The following POP5 variants were observed in gnomAD, a reference collection of about 807,000 sequenced individuals.
POP5 encodes the protein POP5 ribonuclease P/MRP subunit.
POP5 carries 18 observed loss-of-function variants against 20.7 expected under a neutral mutation model. The observed-to-expected ratio is 0.87, with a 90% CI of 0.60 to 1.29. POP5 has a LOEUF of 1.29. Ranked by LOEUF, POP5 falls within the 50% of genes most tolerant of loss-of-function variation. The pLI is 0.00. For synonymous variants in POP5, 91 were observed against 78.0 expected, an observed-to-expected ratio of 1.17 and a Z score of -0.88; for missense variants, 200 against 203.2, an observed-to-expected ratio of 0.98 and a Z score of 0.10.
intron 2 of POP5, 78 bp downstream of exon 2, chr12:120,581,037 T>C (rs1877836032): frequency 6.4e-7 from 1 of 1,566,440 alleles, no homozygotes; most frequent in Admixed American, 1.8e-5. Flanking sequence ...TCGTGCCCCT[T>C]CTTTCTTCCT....
rs879031588 is a variant in POP5 at position 120,579,871 on chromosome 12, T to A, written c.216A>T (p.Glu72Asp). The A allele has an allele frequency of 1.2e-6, 2 of 1,611,014 alleles. 1 individual carries two copies. The highest frequency in any genetic ancestry group is 2.7e-5 in the African/African-American group (2 of 74,884). ...GAGCTGACCACACAAGCTGATAGAA[T>A]TCTTTTCTGCATCGAAGTAGCACTA... The part of the protein sequence containing the change: ...TGIVLLRCRK[E>D]FYQLVWSALP... The change falls in exon 3 of 5, where the codon GAA (glutamate) becomes GAT (aspartate). Residue 72 changes from glutamate to aspartate, a missense_variant. By Grantham distance (45) the Glu-to-Asp change is conservative (BLOSUM62 2). Coordinates refer to ENST00000357500, the MANE Select transcript of POP5 (RefSeq NM_015918.4).
Position 120,578,784 on chromosome 12 carries a change from T to C in POP5, c.*534A>G, listed in dbSNP as rs1312888084. 6.5e-6 allele frequency: 1 copy of C among 155,006 alleles called. No individual in the cohort carries two copies. The highest frequency in any genetic ancestry group is 1.4e-5 in the Non-Finnish European group (1 of 69,890). 9.6% of individuals were successfully genotyped at this position (155,006 alleles called of 1,614,324 possible). A position where few individuals can be genotyped will look rare whatever the true frequency, so the allele number is the denominator to read the frequency against. ...AAATACAAAAATTAGCCAGACGTGG[T>C]GGTGCACGTCTGTAATCCCAGTTAC... On this transcript the variant is annotated 3_prime_UTR_variant, in exon 5 of 5. Coordinates refer to ENST00000357500, the MANE Select transcript of POP5 (RefSeq NM_015918.4).
intron 2 of POP5, 118 bp downstream of exon 2, chr12:120,580,992 ATACCT>A: frequency 7.0e-6 from 10 of 1,433,660 alleles, no homozygotes; most frequent in Non-Finnish European, 9.3e-6. Context: ...GCTTAAAGAG[ATACCT>A]TACAAAAAAC....
Position 120,581,385 on chromosome 12 carries a change from C to A in POP5, c.-23G>T. The A allele has an allele frequency of 6.2e-7, 1 of 1,607,548 alleles. No homozygotes were observed. The highest frequency in any genetic ancestry group is 1.7e-4 in the Middle Eastern group (1 of 6,044). ...CATGGCTGCCTCCGCGCTCTCCGGT[C>A]CGGCGTGCAAACCGGATGTGAATTC... is the stretch of plus-strand genomic sequence containing the variant. On this transcript the variant is annotated 5_prime_UTR_variant, in exon 1 of 5. Transcript: ENST00000357500.
In POP5 at chr12:120,579,728, A is replaced by G. The variant is rs753998245; in HGVS notation, c.313+46T>C. 3 of 1,568,070 alleles carry G rather than the reference A, an allele frequency of 1.9e-6. No homozygotes were observed. In the East Asian group the frequency reaches 6.7e-5, roughly 35 times the overall value. ...CCCACCAGTTTAGACTGAACTGTGA[A>G]CGTGTCACCAATTGAAAATCAGTAG... is the stretch of plus-strand genomic sequence containing the variant. On this transcript the variant is annotated intron_variant, in intron 3 of 4. Coordinates refer to ENST00000357500, the MANE Select transcript of POP5 (RefSeq NM_015918.4).
In POP5 at chr12:120,579,135, G is replaced by T; in HGVS notation, c.*183C>A. ...TTCACAACCTGCAACACTTCACCAG[G>T]GAATGCTAGGTAAAGGCAACTTCAG... On this transcript the variant is annotated 3_prime_UTR_variant, in exon 5 of 5. Transcript: ENST00000357500. The T allele has an allele frequency of 1.6e-6, 1 of 616,896 alleles. No homozygotes were observed. 38.2% of individuals were successfully genotyped at this position (616,896 alleles called of 1,614,324 possible).
chr12:120,581,171 G>C lies in POP5; in HGVS notation c.107C>G (p.Thr36Arg). 11 of 1,613,824 alleles carry C rather than the reference G, an allele frequency of 6.8e-6. No homozygotes were observed. The highest frequency in any genetic ancestry group is 9.3e-6 in the Non-Finnish European group (11 of 1,180,050). Residue 36 changes from threonine (T) to arginine (R), a missense_variant, in exon 2 of 5, where the codon ACG (threonine) becomes AGG (arginine). Physicochemically the swap from Thr to Arg is moderately conservative, Grantham distance 71 (BLOSUM62 -1). Coordinates refer to ENST00000357500, the MANE Select transcript of POP5 (RefSeq NM_015918.4). ...GAAAGTTCCGTGCACCCTGGCGATCGTGTCCCGTACGAGGCTGCTCAGAAC... is the reference window on the plus strand; with the variant it reads ...GAAAGTTCCGTGCACCCTGGCGATCCTGTCCCGTACGAGGCTGCTCAGAAC... Reference protein sequence around the residue: ...DRVLSSLVRDTIARVHGTFGA... With the variant: ...DRVLSSLVRDRIARVHGTFGA...
rs749030608 is a variant in POP5, at chr12:120,581,398, C to T, written c.-36G>A. ...GCGCTCTCCGGTCCGGCGTGCAAAC[C>T]GGATGTGAATTCTGTCCGCTGCCAA... On this transcript the variant is annotated 5_prime_UTR_variant, in exon 1 of 5. Coordinates refer to ENST00000357500, the MANE Select transcript of POP5 (RefSeq NM_015918.4). The T allele has an allele frequency of 1.4e-5, 23 of 1,601,864 alleles. No individual in the cohort carries two copies. The highest frequency in any genetic ancestry group is 3.5e-5 in the Admixed American group (2 of 57,124).
rs908949096 is a variant in POP5 at position 120,581,399 on chromosome 12, G to A, written c.-37C>T. 6.2e-7 allele frequency: 1 copy of A among 1,601,296 alleles called. No homozygotes were observed. The highest frequency in any genetic ancestry group is 8.5e-7 in the Non-Finnish European group (1 of 1,174,452). On this transcript the variant is annotated 5_prime_UTR_variant, in exon 1 of 5. Transcript: ENST00000357500. ...CGCTCTCCGGTCCGGCGTGCAAACC[G>A]GATGTGAATTCTGTCCGCTGCCAAT...
At chr12:120,579,454 G>A (rs1366800465) in intron 4 of POP5, 42 bp from the exon 5 acceptor site, 1 of 1,607,158 alleles carries the variant, frequency 6.2e-7, no homozygotes, top group Non-Finnish European at 8.5e-7. Flanking sequence ...ATCTTTGGGA[G>A]TGATTTCTTC....
rs758679728 is a variant in POP5 at position 120,581,380 on chromosome 12, C to G, written c.-18G>C. ...CGCACCATGGCTGCCTCCGCGCTCT[C>G]CGGTCCGGCGTGCAAACCGGATGTG... On this transcript the variant is annotated 5_prime_UTR_variant, in exon 1 of 5. Coordinates refer to ENST00000357500, the MANE Select transcript of POP5 (RefSeq NM_015918.4). The G allele has an allele frequency of 6.8e-6, 11 of 1,609,248 alleles. No homozygotes were observed. The highest frequency in any genetic ancestry group is 1.7e-4 in the Middle Eastern group (1 of 6,050).
Position 120,579,874 on chromosome 12 carries a change from T to C in POP5, c.213A>G (p.Lys71=). The C allele has an allele frequency of 6.2e-7, 1 of 1,611,784 alleles. No homozygotes were observed. Among genetic ancestry groups the C allele is most frequent in the Non-Finnish European group, 8.5e-7 (1 of 1,177,798 alleles). Residue 71 remains lysine, a synonymous_variant, in exon 3 of 5, where the codon AAA becomes AAG. Coordinates refer to ENST00000357500, the MANE Select transcript of POP5 (RefSeq NM_015918.4). ...CTGACCACACAAGCTGATAGAATTCTTTTCTGCATCGAAGTAGCACTATTC... is the reference window on the plus strand; with the variant it reads ...CTGACCACACAAGCTGATAGAATTCCTTTCTGCATCGAAGTAGCACTATTC... ...YTGIVLLRCR[K]EFYQLVWSAL...
Position 120,581,358 on chromosome 12 carries a change from A to C in POP5, c.5T>G (p.Val2Gly). Residue 2 changes from valine to glycine, a missense_variant, in exon 1 of 5, where the codon GTG (valine) becomes GGG (glycine). Physicochemically the swap from Val to Gly is moderately radical, Grantham distance 109. Coordinates refer to ENST00000357500, the MANE Select transcript of POP5 (RefSeq NM_015918.4). M[V>G]RFKHRYLLCE... ...GAATGCTTACCTGTGCTTGAACCGCACCATGGCTGCCTCCGCGCTCTCCGG... is the reference window on the plus strand; with the variant it reads ...GAATGCTTACCTGTGCTTGAACCGCCCCATGGCTGCCTCCGCGCTCTCCGG... The C allele has an allele frequency of 6.2e-7, 1 of 1,612,896 alleles. No homozygotes were observed. The highest frequency in any genetic ancestry group is 1.1e-5 in the South Asian group (1 of 90,898).
chr12:120,581,301 G>A (rs1012358961), intron 1 of POP5, 42 bp downstream of exon 1: 3 of 1,614,076 alleles, frequency 1.9e-6, no homozygotes, highest in African/African-American at 1.3e-5. Flanking sequence ...GGGCCGCGAG[G>A]ACCCAGCAAG....
chr12:120,581,016 G>T, intron 2 of POP5, 99 bp downstream of exon 2: 2 of 1,521,552 alleles, frequency 1.3e-6, no homozygotes, highest in Non-Finnish European at 1.8e-6. Flanking sequence ...ACGGTGCACG[G>T]GCTTGGCCAC....
Position 120,581,123 on chromosome 12 carries a change from C to T in POP5, c.155G>A (p.Gly52Asp), listed in dbSNP as rs1335956328. The change falls in exon 2 of 5, where the codon GGC (glycine) becomes GAC (aspartate). Residue 52 changes from glycine (G) to aspartate (D), a missense_variant. By Grantham distance (94) the Gly-to-Asp change is moderately conservative (BLOSUM62 -1). Transcript: ENST00000357500. ...GTFGAAACSI[G>D]FAVRYLNAYT... ...CCCCAGCGCCCTTGCACCCGCGAAG[C>T]CGATGGAGCAGGCGGCTGCGCCGAA... The T allele has an allele frequency of 2.2e-5, 35 of 1,611,286 alleles. No homozygotes were observed. Among genetic ancestry groups the T allele is most frequent in the Non-Finnish European group, 2.9e-5 (34 of 1,179,914 alleles).
chr12:120,581,251 CAGG>C lies in POP5; in HGVS notation c.24_26del (p.Tyr8_Leu9delinsTer). 6.2e-7 allele frequency: 1 copy of C among 1,614,232 alleles called. No individual in the cohort carries two copies. Among genetic ancestry groups the C allele is most frequent in the Admixed American group, 1.7e-5 (1 of 60,026 alleles). On this transcript the variant is annotated stop_gained and inframe_deletion, in exon 2 of 5. Transcript: ENST00000357500. LOFTEE classifies it high-confidence loss of function. ...GGTCGTCAGACACCAGTTCGCAGAG[CAGG>C]TACCTGCGGCAGGCGAGAGGAAGGT...
chr12:120,580,027 A>T (rs1877780910), intron 2 of POP5, 104 bp from the exon 3 acceptor site: 1 of 1,149,294 alleles, frequency 8.7e-7, no homozygotes, highest in East Asian at 2.4e-5. Flanking sequence ...AGATCACTTT[A>T]AGTCAGGAGT....
At chr12:120,580,793 T>C (rs923676164) in intron 2 of POP5, 3 of 373,824 alleles carry the variant, frequency 8.0e-6, no homozygotes, top group African/African-American at 6.1e-5. Flanking sequence ...GGTCATATAA[T>C]AGCTCTTACT....
Sources: gnomAD v4.1 joint callset for allele counts on GRCh38, gnomAD v4.1.1 for gene constraint, MANE v1.5 for transcripts, NCBI Gene and HGNC (gene_info 2026-07-23, HGNC 2026-07-21) for gene names.